Variants in LMX1A observed in about 807,000 individuals in gnomAD.
The protein encoded by LMX1A is LIM homeobox transcription factor 1-alpha.
A neutral mutation model predicts 49.1 loss-of-function variants in LMX1A; 15 were observed. The observed-to-expected ratio is 0.31, with a 90% CI of 0.20 to 0.47. The LOEUF (loss-of-function observed/expected upper bound fraction) is 0.47. Among genes scored for constraint, LMX1A ranks in the 20% least tolerant of loss-of-function variants. LMX1A has a pLI of 1.00. For synonymous variants in LMX1A, 167 were observed against 185.7 expected, an observed-to-expected ratio of 0.90 and a Z score of 0.82; for missense variants, 372 against 475.8, an observed-to-expected ratio of 0.78 and a Z score of 2.03.
intron 3 of LMX1A, among the ~76,000 whole-genome samples, chr1:165,351,685 A>T (rs965526926): frequency 2.7e-4 from 41 of 152,240 alleles, no homozygotes; most frequent in African/African-American, 9.6e-4. Context: ...TGGGGTTAAA[A>T]TTCGAGAATT....
intron 3 of LMX1A, among the ~76,000 whole-genome samples, chr1:165,311,503 C>T (rs1342904543): frequency 6.6e-6 from 1 of 152,198 alleles, no homozygotes; most frequent in Admixed American, 6.5e-5. Context: ...GGAGGCCCAG[C>T]TCACTGGTTG....
chr1:165,339,557 C>T (rs1335856271), intron 3 of LMX1A, among the ~76,000 whole-genome samples: 1 of 152,152 alleles, frequency 6.6e-6, no homozygotes, highest in East Asian at 1.9e-4. Context: ...AGGTGGGAGC[C>T]TCGCTCTACT....
chr1:165,285,183 C>G (rs141948723), intron 3 of LMX1A, among the ~76,000 whole-genome samples: 1 of 152,146 alleles, frequency 6.6e-6, no homozygotes, highest in African/African-American at 2.4e-5. Flanking sequence ...TAAAATAATC[C>G]TCACCTCTGC....
intron 3 of LMX1A, among the ~76,000 whole-genome samples, chr1:165,347,672 A>G (rs1324416670): frequency 6.6e-6 from 1 of 152,250 alleles, no homozygotes. Flanking sequence ...TTTCTTCATA[A>G]TTCATTTTCC....
chr1:165,210,646 T>G, intron 6 of LMX1A, 53 bp downstream of exon 6: 1 of 1,377,738 alleles, frequency 7.3e-7, no homozygotes, highest in Non-Finnish European at 1.0e-6. Flanking sequence ...CCTACTGTGA[T>G]TATTTCAGGA....
intron 3 of LMX1A, among the ~76,000 whole-genome samples, chr1:165,294,936 C>T (rs1654574962): frequency 6.6e-6 from 1 of 152,130 alleles, no homozygotes. Context: ...TGCACACCAG[C>T]CTGGGTGACA....
rs1278704025 is a variant in LMX1A, at chr1:165,316,024, T to C, written c.263+37052A>G. On this transcript the variant is annotated intron_variant, in intron 3 of 8. Transcript: ENST00000342310. ...GTAAGGACCTACTGGACGTCTCTTATAATAGAGTGCCAAAGTCAAGGTCAG... is the reference window on the plus strand; with the variant it reads ...GTAAGGACCTACTGGACGTCTCTTACAATAGAGTGCCAAAGTCAAGGTCAG... 2.6e-5 allele frequency among the ~76,000 whole-genome samples: 4 copies of C among 152,308 alleles called. No homozygotes were observed. In the South Asian group the frequency reaches 6.2e-4, roughly 24 times the overall value.
At chr1:165,305,983 A>T (rs1356750689) in intron 3 of LMX1A, among the ~76,000 whole-genome samples, 1 of 152,172 alleles carries the variant, frequency 6.6e-6, no homozygotes, top group Non-Finnish European at 1.5e-5. Context: ...GACCAAGGAG[A>T]AGTACAATGC....
At chr1:165,220,020 G>T (rs556958618) in intron 4 of LMX1A, among the ~76,000 whole-genome samples, 1 of 152,130 alleles carries the variant, frequency 6.6e-6, no homozygotes, top group Non-Finnish European at 1.5e-5. Context: ...GGGAGAGAGG[G>T]CACTTTATGC....
At chr1:165,253,462 C>G (rs755126202) in intron 3 of LMX1A, among the ~76,000 whole-genome samples, 2 of 152,076 alleles carry the variant, frequency 1.3e-5, no homozygotes, top group Non-Finnish European at 2.9e-5. Context: ...GGAGAAGTTC[C>G]CAGGGAGGCA....
chr1:165,223,549 G>T (rs777314132), intron 4 of LMX1A, among the ~76,000 whole-genome samples: 5 of 152,208 alleles, frequency 3.3e-5, no homozygotes, highest in Non-Finnish European at 5.9e-5. Context: ...AAGAATGACT[G>T]CAGGAGTGAG....
chr1:165,210,688 A>G lies in LMX1A; in HGVS notation c.747+11T>C. 1.2e-6 allele frequency: 2 copies of G among 1,603,264 alleles called. No individual in the cohort carries two copies. Among genetic ancestry groups the G allele is most frequent in the Non-Finnish European group, 1.7e-6 (2 of 1,170,420 alleles). On this transcript the variant is annotated intron_variant, in intron 6 of 8. Transcript: ENST00000342310. ...CAACATGGGGACAGATAAAAGTAAG[A>G]AGCAGGTTACCTTCGCTCTCTGGTT... is the stretch of plus-strand genomic sequence containing the variant.
intron 3 of LMX1A, among the ~76,000 whole-genome samples, chr1:165,326,960 A>G (rs1378345278): frequency 6.6e-6 from 1 of 152,206 alleles, no homozygotes; most frequent in Non-Finnish European, 1.5e-5. Flanking sequence ...CACACAGAAC[A>G]AATAATCATA....
chr1:165,276,245 T>C (rs1653964280), intron 3 of LMX1A, among the ~76,000 whole-genome samples: 1 of 152,132 alleles, frequency 6.6e-6, no homozygotes, highest in Non-Finnish European at 1.5e-5. Context: ...GACCAATCAA[T>C]TGATTGATAG....
At chr1:165,313,540 T>A (rs1385706493) in intron 3 of LMX1A, among the ~76,000 whole-genome samples, 6 of 151,182 alleles carry the variant, frequency 4.0e-5, no homozygotes, top group Non-Finnish European at 7.4e-5. Flanking sequence ...AGAGAAGAGT[T>A]TTTTTAAAGG....
intron 3 of LMX1A, among the ~76,000 whole-genome samples, chr1:165,316,304 C>T (rs538339806): frequency 6.6e-6 from 1 of 152,204 alleles, no homozygotes; most frequent in Non-Finnish European, 1.5e-5. Context: ...GAGAGCTTAC[C>T]ACGGGGAGAT....
intron 3 of LMX1A, among the ~76,000 whole-genome samples, chr1:165,321,187 T>C (rs1053745142): frequency 1.3e-5 from 2 of 152,128 alleles, no homozygotes; most frequent in African/African-American, 4.8e-5. Context: ...ATGTCCACAA[T>C]AGGCAAATCC....
At chr1:165,249,691 G>T in intron 3 of LMX1A, 51 bp from the exon 4 acceptor site, 1 of 1,419,180 alleles carries the variant, frequency 7.0e-7, no homozygotes, top group Non-Finnish European at 9.8e-7. Flanking sequence ...AATCTGGCTT[G>T]GTCCTGGGTC....
At chr1:165,236,510 T>G (rs547031321) in intron 4 of LMX1A, among the ~76,000 whole-genome samples, 1 of 152,202 alleles carries the variant, frequency 6.6e-6, no homozygotes, top group African/African-American at 2.4e-5. Flanking sequence ...CTGTATTGCA[T>G]GGGACACACT....
Sources: gnomAD v4.1 joint callset for allele counts (sites outside exome capture counted in the v4.1 genomes callset) on GRCh38, gnomAD v4.1.1 for gene constraint, MANE v1.5 for transcripts, NCBI Gene and HGNC (gene_info 2026-07-23, HGNC 2026-07-21) for gene names.